Variants in UBE3A observed in about 807,000 individuals in gnomAD.
UBE3A encodes ubiquitin protein ligase E3A, also known as ubiquitin-protein ligase E3A.
UBE3A carries 6 observed loss-of-function variants against 83.4 expected under a neutral mutation model. That is an observed-to-expected ratio of 0.07 (90% confidence interval 0.04 to 0.14). UBE3A has a LOEUF of 0.14. UBE3A is among the 10% of genes least tolerant of loss of function. The probability of loss-of-function intolerance (pLI) is 1.00; values close to 1 mark genes in which losing one functional copy is unlikely to be tolerated. For synonymous variants in UBE3A, 337 were observed against 355.4 expected, an observed-to-expected ratio of 0.95 and a Z score of 0.58; for missense variants, 456 against 1,036.1, an observed-to-expected ratio of 0.44 and a Z score of 7.69.
intron 1 of UBE3A, among the ~76,000 whole-genome samples, chr15:25,416,408 G>C (rs2090930156): frequency 6.6e-6 from 1 of 152,048 alleles, no homozygotes; most frequent in South Asian, 2.1e-4. Context: ...AAAGAAGTCA[G>C]ACACAACTAA....
At chr15:25,431,247 G>A (rs1893358445) in intron 1 of UBE3A, among the ~76,000 whole-genome samples, 1 of 152,202 alleles carries the variant, frequency 6.6e-6, no homozygotes, top group Non-Finnish European at 1.5e-5. Context: ...GGCAAAATGT[G>A]TTACAAAAGG....
intron 1 of UBE3A, among the ~76,000 whole-genome samples, chr15:25,426,861 G>A (rs1480055549): frequency 2.0e-5 from 3 of 151,500 alleles, no homozygotes; most frequent in South Asian, 2.1e-4. Context: ...GTCTGTCACC[G>A]CGGCTGGAGT....
Position 25,379,125 on chromosome 15 carries a change from T to C in UBE3A, c.63-3362A>G, listed in dbSNP as rs189171110. 5.2e-3 allele frequency among the ~76,000 whole-genome samples: 789 copies of C among 152,318 alleles called. 4 individuals are homozygous for C. The highest frequency in any genetic ancestry group is 0.011 in the Admixed American group (171 of 15,302). On this transcript the variant is annotated intron_variant, in intron 4 of 12. Transcript: ENST00000648336. Reference sequence around the variant, plus strand: ...TAAATGGTAGTATCTACGAGCATTATCATGGTGAGAGTATTATTCTTCTTC... The same window carrying C: ...TAAATGGTAGTATCTACGAGCATTACCATGGTGAGAGTATTATTCTTCTTC...
chr15:25,397,324 G>C (rs559749606), intron 4 of UBE3A, among the ~76,000 whole-genome samples: 1 of 152,320 alleles, frequency 6.6e-6, no homozygotes, highest in South Asian at 2.1e-4. Context: ...CTGAGTGCCA[G>C]AGTGTCACCT....
chr15:25,401,378 G>C (rs191841752), intron 4 of UBE3A, among the ~76,000 whole-genome samples: 9 of 152,228 alleles, frequency 5.9e-5, no homozygotes, highest in Admixed American at 2.6e-4. Context: ...AGAACAATCT[G>C]TACTAGTTCT....
rs2074492665 is a variant in UBE3A at position 25,340,102 on chromosome 15, A to G, written c.2481T>C (p.Asn827=). 1.2e-6 allele frequency: 2 copies of G among 1,614,026 alleles called. No homozygotes were observed. Among genetic ancestry groups the G allele is most frequent in the Non-Finnish European group, 1.7e-6 (2 of 1,179,950 alleles). ...TTACCTACCTTTCTGTGTCTGGGCC[A>G]TTTTTGGCTATAATCATCTTTAATT... ...LGKLKMIIAK[N]GPDTERLPTS... is the part of the protein sequence containing the mutation. The change falls in exon 12 of 13, where the codon AAT becomes AAC. Residue 827 remains asparagine (N), a synonymous_variant. Coordinates refer to ENST00000648336, the MANE Select transcript of UBE3A (RefSeq NM_130839.5).
In UBE3A at chr15:25,339,054, T is replaced by C. The variant is rs2074264316; in HGVS notation, c.*83A>G. 7.1e-7 allele frequency: 1 copy of C among 1,405,678 alleles called. No individual in the cohort carries two copies. The highest frequency in any genetic ancestry group is 9.3e-7 in the Non-Finnish European group (1 of 1,075,734). 87.1% of individuals were successfully genotyped at this position (1,405,678 alleles called of 1,614,324 possible). ...GGACACTATCACCACCAAAAATTTA[T>C]CCCTCGTTATATTTTTAAAATTTTT... On this transcript the variant is annotated 3_prime_UTR_variant, in exon 13 of 13. Coordinates refer to ENST00000648336, the MANE Select transcript of UBE3A (RefSeq NM_130839.5).
intron 4 of UBE3A, among the ~76,000 whole-genome samples, chr15:25,378,924 C>T (rs575644772): frequency 1.3e-5 from 2 of 152,158 alleles, no homozygotes; most frequent in South Asian, 4.2e-4. Flanking sequence ...TGTTGAGGAC[C>T]TATGTGCTAT....
At chr15:25,364,638 TTTG>T (rs1468452410) in intron 6 of UBE3A, among the ~76,000 whole-genome samples, 1 of 133,738 alleles carries the variant, frequency 7.5e-6, no homozygotes, top group African/African-American at 3.3e-5. Context: ...TAGGGTTTTT[TTTG>T]TTTGTTTTTT....
Position 25,345,206 on chromosome 15 carries a change from A to G in UBE3A, c.2355-4978T>C, listed in dbSNP as rs556062042. On this transcript the variant is annotated intron_variant, in intron 11 of 12. Coordinates refer to ENST00000648336, the MANE Select transcript of UBE3A (RefSeq NM_130839.5). Reference sequence around the variant, plus strand: ...GGAAAGCACAGGCCAATCTGAAAACAGGGCTTAAAGTTTTAAAAAGTTCTA... The same window carrying G: ...GGAAAGCACAGGCCAATCTGAAAACGGGGCTTAAAGTTTTAAAAAGTTCTA... Among the ~76,000 whole-genome samples the G allele has an allele frequency of 9.2e-5, 14 of 152,288 alleles. No individual in the cohort carries two copies. The South Asian group carries it at 2.7e-3, about 29-fold the overall frequency.
intron 11 of UBE3A, chr15:25,346,266 A>C (rs1170981953): frequency 6.6e-6 from 1 of 152,488 alleles, no homozygotes; most frequent in African/African-American, 2.4e-5. Flanking sequence ...AGGCCCCTCA[A>C]GCAGCACTAC....
intron 6 of UBE3A, among the ~76,000 whole-genome samples, chr15:25,365,687 G>A (rs1347388498): frequency 1.3e-5 from 2 of 149,410 alleles, no homozygotes; most frequent in Non-Finnish European, 3.0e-5. Context: ...GGCGGGGCTT[G>A]CAGTGAGCCA....
At chr15:25,381,592 C>A (rs117052978) in intron 4 of UBE3A, among the ~76,000 whole-genome samples, 3 of 152,062 alleles carry the variant, frequency 2.0e-5, no homozygotes, top group African/African-American at 7.2e-5. Flanking sequence ...ATCTAAAAAA[C>A]AGATATAAAA....
chr15:25,370,142 G>A lies in UBE3A; in HGVS notation c.1608+424C>T, dbSNP rs974455032. Among the ~76,000 whole-genome samples the A allele has an allele frequency of 6.6e-6, 1 of 152,072 alleles. No individual in the cohort carries two copies. The highest frequency in any genetic ancestry group is 6.5e-5 in the Admixed American group (1 of 15,276). ...AATAATGCAACTCTGAATTTTACAC[G>A]ATGGAATTTTTTGGACACTACCTAT... On this transcript the variant is annotated intron_variant, in intron 6 of 12. Coordinates refer to ENST00000648336, the MANE Select transcript of UBE3A (RefSeq NM_130839.5). This position sits in a 1 kb window ranked among gnomAD's most constrained non-coding sequence, Gnocchi z 4.2.
intron 4 of UBE3A, among the ~76,000 whole-genome samples, chr15:25,395,738 TAGACA>T (rs894636680): frequency 1.3e-5 from 2 of 152,228 alleles, no homozygotes. Flanking sequence ...GAGTTGTCAA[TAGACA>T]GAGTCCTGGG....
rs566295819 is a variant in UBE3A at position 25,338,413 on chromosome 15, C to T, written c.*724G>A. On this transcript the variant is annotated 3_prime_UTR_variant, in exon 13 of 13. Transcript: ENST00000648336. ...CAGTTCATTGCAAGACACATGAAGA[C>T]GACATACTGTGGCATGAGTTGTTTT... The T allele has an allele frequency of 9.2e-5, 14 of 152,062 alleles. No homozygotes were observed. Among genetic ancestry groups the T allele is most frequent in the African/African-American group, 2.7e-4 (11 of 41,498 alleles). The allele number at this position is 152,062 out of a possible 1,614,324, so 9.4% of individuals were successfully genotyped here.
At chr15:25,355,650 A>G (rs2077115962) in intron 9 of UBE3A, among the ~76,000 whole-genome samples, 1 of 152,164 alleles carries the variant, frequency 6.6e-6, no homozygotes, top group Non-Finnish European at 1.5e-5. Flanking sequence ...AACCACACTT[A>G]GCTATTAACT....
chr15:25,357,261 A>G (rs2077347910), intron 7 of UBE3A: 1 of 170,896 alleles, frequency 5.9e-6, no homozygotes, highest in South Asian at 1.4e-4. Context: ...AACATAAAAA[A>G]ACAAAAAATG....
At chr15:25,430,074 TA>T (rs1434533752) in intron 1 of UBE3A, among the ~76,000 whole-genome samples, 3 of 98,530 alleles carry the variant, frequency 3.0e-5, no homozygotes, top group Admixed American at 1.2e-4. Flanking sequence ...ATATATATAA[TA>T]CATATATATA....
Sources: allele counts gnomAD v4.1 joint callset (sites outside exome capture counted in the v4.1 genomes callset), GRCh38; gene constraint gnomAD v4.1.1; non-coding constraint Gnocchi (gnomAD v3.1); transcripts MANE v1.5; gene names NCBI Gene and HGNC (gene_info 2026-07-23, HGNC 2026-07-21).